Variants in SLC25A18 observed in about 807,000 individuals in gnomAD.
The protein encoded by SLC25A18 is mitochondrial glutamate carrier 2.
Under a neutral mutation model 31.1 loss-of-function variants are expected in SLC25A18, and 24 were observed. That is an observed-to-expected ratio of 0.77 (90% CI 0.56 to 1.08). The LOEUF (loss-of-function observed/expected upper bound fraction) is 1.08, where lower values mean the gene tolerates loss of function less well. Ranked by LOEUF, SLC25A18 falls within the 50% of genes least tolerant of loss-of-function variation. SLC25A18 has a pLI of 0.00. For synonymous variants in SLC25A18, 173 were observed against 161.9 expected, an observed-to-expected ratio of 1.07 and a Z score of -0.52; for missense variants, 371 against 418.5, an observed-to-expected ratio of 0.89 and a Z score of 0.99.
chr22:17,582,695 T>C (rs1383270133), intron 6 of SLC25A18, 42 bp downstream of exon 6: 2 of 1,525,548 alleles, frequency 1.3e-6, no homozygotes, highest in Non-Finnish European at 1.8e-6. Flanking sequence ...CACTGTGTGT[T>C]TTTTGGGAGA....
At chr22:17,575,574 A>T (rs540251820) in intron 2 of SLC25A18, among the ~76,000 whole-genome samples, 1 of 152,148 alleles carries the variant, frequency 6.6e-6, no homozygotes, top group Non-Finnish European at 1.5e-5. Context: ...AAAAATTCCT[A>T]TGGAAGGGGT....
chr22:17,565,493 C>T (rs2056913266), intron 1 of SLC25A18, among the ~76,000 whole-genome samples: 1 of 152,130 alleles, frequency 6.6e-6, no homozygotes, highest in Admixed American at 6.6e-5. Flanking sequence ...CCTTCCTCGA[C>T]CTCCCAAGTA....
At position 17,589,945 on chromosome 22, in the gene SLC25A18, C is replaced by T. The variant is rs1257909253; in HGVS notation, c.807-150C>T. 20 of 1,136,604 alleles carry T rather than the reference C, an allele frequency of 1.8e-5. No homozygotes were observed. The highest frequency in any genetic ancestry group is 2.4e-5 in the Non-Finnish European group (19 of 804,462). The allele number at this position is 1,136,604 out of a possible 1,614,324, so 70.4% of individuals were successfully genotyped here. ...AACCAACCTGCATGCACCTAGCGGG[C>T]GAGGCACAGCTCCCACACCGTTGGC... On this transcript the variant is annotated intron_variant, in intron 10 of 10. Coordinates refer to ENST00000327451, the MANE Select transcript of SLC25A18 (RefSeq NM_031481.3).
rs1422357267 is a variant in SLC25A18, at chr22:17,563,527, A to G, written c.-450A>G. The stretch of plus-strand genomic sequence containing the variant: ...TGGACAGCATATGACAAGGACGAGG[A>G]CCCCTATTCTAGCCAGTTAAAGCTG... On this transcript the variant is annotated 5_prime_UTR_variant, in exon 1 of 11. Coordinates refer to ENST00000327451, the MANE Select transcript of SLC25A18 (RefSeq NM_031481.3). The G allele has an allele frequency of 4.5e-6, 1 of 220,854 alleles. No individual in the cohort carries two copies. The highest frequency in any genetic ancestry group is 2.3e-5 in the African/African-American group (1 of 42,652). The allele number at this position is 220,854 out of a possible 1,614,324, so 13.7% of individuals were successfully genotyped here.
intron 2 of SLC25A18, among the ~76,000 whole-genome samples, chr22:17,571,589 A>G (rs1194821262): frequency 6.6e-6 from 1 of 152,004 alleles, no homozygotes; most frequent in Non-Finnish European, 1.5e-5. Context: ...AGCCTGGACA[A>G]CAGGGTAAAA....
chr22:17,581,420 T>A lies in SLC25A18; in HGVS notation c.199+7T>A. The A allele has an allele frequency of 6.2e-7, 1 of 1,613,948 alleles. No homozygotes were observed. Among genetic ancestry groups the A allele is most frequent in the Non-Finnish European group, 8.5e-7 (1 of 1,179,974 alleles). On this transcript the variant is annotated splice_region_variant and intron_variant, in intron 5 of 10. Coordinates refer to ENST00000327451, the MANE Select transcript of SLC25A18 (RefSeq NM_031481.3). ...TTCTTCGGCATGTACCGAGGTGGGCTTCTCAGGTCCCCTGGGAGGCTGGGC... is the reference window on the plus strand; with the variant it reads ...TTCTTCGGCATGTACCGAGGTGGGCATCTCAGGTCCCCTGGGAGGCTGGGC...
At chr22:17,575,362 G>A (rs527697474) in intron 2 of SLC25A18, among the ~76,000 whole-genome samples, 25 of 152,302 alleles carry the variant, frequency 1.6e-4, no homozygotes, top group African/African-American at 5.3e-4. Flanking sequence ...GAAGCATAGT[G>A]GGAGACCCTT....
intron 7 of SLC25A18, among the ~76,000 whole-genome samples, chr22:17,585,773 T>C (rs55805466): frequency 6.6e-6 from 1 of 151,582 alleles, no homozygotes; most frequent in Non-Finnish European, 1.5e-5. Flanking sequence ...CTCAGCCTCC[T>C]GAGTAGCTGG....
chr22:17,579,916 T>C lies in SLC25A18; in HGVS notation c.-29T>C, dbSNP rs763139131. 10 of 1,606,572 alleles carry C rather than the reference T, an allele frequency of 6.2e-6. No homozygotes were observed. Among genetic ancestry groups the C allele is most frequent in the African/African-American group, 1.3e-5 (1 of 74,836 alleles). ...GGCTACCCCAAGGAGCCAGCAGCCT[T>C]GTGTCCTGGGATCCCCAGCCCCTGC... is the stretch of plus-strand genomic sequence containing the variant. On this transcript the variant is annotated 5_prime_UTR_variant, in exon 3 of 11. Coordinates refer to ENST00000327451, the MANE Select transcript of SLC25A18 (RefSeq NM_031481.3).
At chr22:17,570,604 C>G (rs1299767740) in intron 2 of SLC25A18, among the ~76,000 whole-genome samples, 8 of 152,208 alleles carry the variant, frequency 5.3e-5, no homozygotes, top group Non-Finnish European at 1.2e-4. Context: ...CCTGCCTCAG[C>G]CTCCCGAGTA....
At chr22:17,578,542 C>T (rs548189077) in intron 2 of SLC25A18, among the ~76,000 whole-genome samples, 24 of 152,262 alleles carry the variant, frequency 1.6e-4, no homozygotes, top group East Asian at 3.9e-4. Flanking sequence ...TTCAGGGCAC[C>T]GGAGAGAAGA....
Position 17,587,363 on chromosome 22 carries a change from C to G in SLC25A18, c.575+62C>G, listed in dbSNP as rs971296548. On this transcript the variant is annotated intron_variant, in intron 8 of 10. Transcript: ENST00000327451. ...GGGGGAGGGCACGAGGGCCAGAGAGCTGGTTGTCCCTATCTGCCTCTGTGT... is the reference window on the plus strand; with the variant it reads ...GGGGGAGGGCACGAGGGCCAGAGAGGTGGTTGTCCCTATCTGCCTCTGTGT... 5 of 1,529,702 alleles carry G rather than the reference C, an allele frequency of 3.3e-6. No individual in the cohort carries two copies. The East Asian group carries it at 1.1e-4, about 35-fold the overall frequency. The allele number at this position is 1,529,702 out of a possible 1,614,324, so 94.8% of individuals were successfully genotyped here.
chr22:17,583,402 G>A lies in SLC25A18; in HGVS notation c.291-14G>A, dbSNP rs149112328. On this transcript the variant is annotated splice_polypyrimidine_tract_variant and intron_variant, in intron 6 of 10. Transcript: ENST00000327451. ...TGGCCTGCGGCTGAAGGAGCCTGACGCCTGTTCCCATAGGATGCAGCGGAA... is the reference window on the plus strand; with the variant it reads ...TGGCCTGCGGCTGAAGGAGCCTGACACCTGTTCCCATAGGATGCAGCGGAA... 189 of 1,613,758 alleles carry A rather than the reference G, an allele frequency of 1.2e-4. No homozygotes were observed. The African/African-American group carries it at 1.8e-3, about 16-fold the overall frequency.
In SLC25A18 at chr22:17,579,734, C is replaced by T. The variant is rs2057323445; in HGVS notation, c.-200-11C>T. The T allele has an allele frequency of 3.6e-6, 5 of 1,380,550 alleles. No individual in the cohort carries two copies. The South Asian group carries it at 5.3e-5, about 15-fold the overall frequency. 85.5% of individuals were successfully genotyped at this position (1,380,550 alleles called of 1,614,324 possible). ...ATCTGTGAGGTGAGTGTTTCTCTGACTACTTTGCAGGGGAGGAAGCCGCAG... is the reference window on the plus strand; with the variant it reads ...ATCTGTGAGGTGAGTGTTTCTCTGATTACTTTGCAGGGGAGGAAGCCGCAG... On this transcript the variant is annotated splice_polypyrimidine_tract_variant and intron_variant, in intron 2 of 10. Coordinates refer to ENST00000327451, the MANE Select transcript of SLC25A18 (RefSeq NM_031481.3).
chr22:17,586,664 A>C (rs1208279869), intron 7 of SLC25A18, among the ~76,000 whole-genome samples: 2 of 152,260 alleles, frequency 1.3e-5, no homozygotes, highest in Non-Finnish European at 2.9e-5. Context: ...CTATAACCCC[A>C]GCTACTAGGG....
chr22:17,577,978 C>CTT (rs695375), intron 2 of SLC25A18, among the ~76,000 whole-genome samples: 16 of 133,678 alleles, frequency 1.2e-4, no homozygotes, highest in Admixed American at 2.2e-4. Context: ...CGCCCTGCTT[C>CTT]TTTTTTTTTT....
At chr22:17,581,268 G>C (rs964643391) in intron 4 of SLC25A18, 90 bp from the exon 5 acceptor site, 97 of 1,591,844 alleles carry the variant, frequency 6.1e-5, no homozygotes, top group Non-Finnish European at 8.3e-5. Context: ...CTGGGGATCT[G>C]ATCAGCTGGG....
At chr22:17,589,913 C>T (rs2057670521) in intron 10 of SLC25A18, among the ~76,000 whole-genome samples, 182 bp from the exon 11 acceptor site, 1 of 152,200 alleles carries the variant, frequency 6.6e-6, no homozygotes, top group Non-Finnish European at 1.5e-5. Flanking sequence ...GACCCAACTG[C>T]ATAAGTAACC....
chr22:17,584,480 AAAG>A (rs2057480897), intron 7 of SLC25A18, among the ~76,000 whole-genome samples: 1 of 150,344 alleles, frequency 6.7e-6, no homozygotes, highest in Non-Finnish European at 1.5e-5. Flanking sequence ...AGAAAGAAAG[AAAG>A]AAAGAAAGAA....
Sources: allele counts gnomAD v4.1 joint callset (sites outside exome capture counted in the v4.1 genomes callset), GRCh38; gene constraint gnomAD v4.1.1; transcripts MANE v1.5; gene names NCBI Gene and HGNC (gene_info 2026-07-23, HGNC 2026-07-21).